The following MRPS16 variants were observed in gnomAD, a reference collection of about 807,000 sequenced individuals.
MRPS16 encodes small ribosomal subunit protein bS16m.
Under a neutral mutation model 11.0 loss-of-function variants are expected in MRPS16, and 5 were observed. That is an observed-to-expected ratio of 0.46 (90% confidence interval 0.24 to 0.96). The LOEUF (loss-of-function observed/expected upper bound fraction) is 0.96. MRPS16 is among the 40% of genes least tolerant of loss of function. MRPS16 has a pLI of 0.20. For synonymous variants in MRPS16, 76 were observed against 65.0 expected (o/e 1.17, Z -0.81); for missense variants, 179 against 174.4 (o/e 1.03, Z -0.15).
chr10:73,252,114 T>A (rs894874287), intron 1 of MRPS16, 91 bp from the exon 2 acceptor site: 2 of 1,511,602 alleles, frequency 1.3e-6, no homozygotes, highest in African/African-American at 2.8e-5. Flanking sequence ...CACTGAAATG[T>A]CTCACTTCCA....
intron 1 of MRPS16, 152 bp from the exon 2 acceptor site, chr10:73,252,175 TC>T (rs2044122271): frequency 8.0e-7 from 1 of 1,257,732 alleles, no homozygotes; most frequent in Non-Finnish European, 1.1e-6. Context: ...GTGAAACCCC[TC>T]TTGGCCAGTC....
At position 73,250,763 on chromosome 10, in the gene MRPS16, C is replaced by G; in HGVS notation, c.*89G>C. On this transcript the variant is annotated 3_prime_UTR_variant, in exon 3 of 3. Coordinates refer to ENST00000372945, the MANE Select transcript of MRPS16 (RefSeq NM_016065.4). ...AACTCAGGATACTCCATTTATTGAACTCCAAATCTAACAAAATTAAGATCG... is the reference window on the plus strand; with the variant it reads ...AACTCAGGATACTCCATTTATTGAAGTCCAAATCTAACAAAATTAAGATCG... 1 of 1,552,190 alleles carries G rather than the reference C, an allele frequency of 6.4e-7. No homozygotes were observed. Among genetic ancestry groups the G allele is most frequent in the Non-Finnish European group, 8.8e-7 (1 of 1,135,530 alleles).
In MRPS16 at chr10:73,250,618, C is replaced by T; in HGVS notation, c.*234G>A. On this transcript the variant is annotated 3_prime_UTR_variant, in exon 3 of 3. Transcript: ENST00000372945. ...ACTCAAAAGTCCAATCCTCCCATAG[C>T]CACTGTCTATCCCAAGACAAAGTCG... 1.9e-6 allele frequency: 1 copy of T among 524,990 alleles called. No homozygotes were observed. The highest frequency in any genetic ancestry group is 3.4e-6 in the Non-Finnish European group (1 of 292,730). The allele number at this position is 524,990 out of a possible 1,614,324, so 32.5% of individuals were successfully genotyped here. A position where few individuals can be genotyped will look rare whatever the true frequency, so the allele number is the denominator to read the frequency against.
rs1589209409 is a variant in MRPS16, at chr10:73,249,241, C to T, written c.*1611G>A. 1.3e-6 allele frequency: 2 copies of T among 1,535,090 alleles called. No homozygotes were observed. Among genetic ancestry groups the T allele is most frequent in the Non-Finnish European group, 1.8e-6 (2 of 1,133,838 alleles). Reference sequence around the variant, plus strand: ...GGTATCTTTATATTATTTTTCCTTACAAGTTACTTCAAATTCTTGATGTTG... The same window carrying T: ...GGTATCTTTATATTATTTTTCCTTATAAGTTACTTCAAATTCTTGATGTTG... On this transcript the variant is annotated 3_prime_UTR_variant, in exon 3 of 3. Transcript: ENST00000372945.
chr10:73,251,542 A>T (rs1255691861), intron 2 of MRPS16, among the ~76,000 whole-genome samples: 1 of 147,894 alleles, frequency 6.8e-6, no homozygotes, highest in African/African-American at 2.5e-5. Context: ...CGCCCAACTA[A>T]TTTTTTTTTT....
rs2044137349 is a variant in MRPS16 at position 73,252,590 on chromosome 10, C to A, written c.-108G>T. ...CACAGAAAGAACCTGCAAGCCGACACCAGGCCGCACCGCCAAGCGGTACAA... is the reference window on the plus strand; with the variant it reads ...CACAGAAAGAACCTGCAAGCCGACAACAGGCCGCACCGCCAAGCGGTACAA... On this transcript the variant is annotated 5_prime_UTR_variant, in exon 1 of 3. Transcript: ENST00000372945. 1 of 1,481,574 alleles carries A rather than the reference C, an allele frequency of 6.7e-7. No individual in the cohort carries two copies. The highest frequency in any genetic ancestry group is 9.1e-7 in the Non-Finnish European group (1 of 1,094,530). The allele number at this position is 1,481,574 out of a possible 1,614,324, so 91.8% of individuals were successfully genotyped here. A position where few individuals can be genotyped will look rare whatever the true frequency, so the allele number is the denominator to read the frequency against.
rs574256524 is a variant in MRPS16, at chr10:73,252,252, C to G, written c.13+218G>C. On this transcript the variant is annotated intron_variant, in intron 1 of 2. Transcript: ENST00000372945. Reference sequence around the variant, plus strand: ...GCATGGGCTTGCCATTCACTAGGCTCTGTGACCTTGTCGGAGCCTTAGCTG... The same window carrying G: ...GCATGGGCTTGCCATTCACTAGGCTGTGTGACCTTGTCGGAGCCTTAGCTG... The G allele has an allele frequency of 6.9e-6, 7 of 1,017,270 alleles. No individual in the cohort carries two copies. In the East Asian group the frequency reaches 1.8e-4, roughly 26 times the overall value. 63.0% of individuals were successfully genotyped at this position (1,017,270 alleles called of 1,614,324 possible).
chr10:73,252,343 G>T, intron 1 of MRPS16, 127 bp downstream of exon 1: 1 of 1,357,240 alleles, frequency 7.4e-7, no homozygotes, highest in Non-Finnish European at 1.0e-6. Flanking sequence ...AGGATCAAAT[G>T]TAAGGCAGTG....
chr10:73,252,370 G>A lies in MRPS16; in HGVS notation c.13+100C>T, dbSNP rs1035134755. On this transcript the variant is annotated intron_variant, in intron 1 of 2. Coordinates refer to ENST00000372945, the MANE Select transcript of MRPS16 (RefSeq NM_016065.4). The stretch of plus-strand genomic sequence containing the variant: ...AAGGCAGTGTGGCTGCTTCAGGTTC[G>A]GGTTGCCTCCATCGCGCCTGGGAGA... The A allele has an allele frequency of 1.9e-5, 29 of 1,530,758 alleles. No individual in the cohort carries two copies. In the Admixed American group the frequency reaches 4.7e-4, roughly 25 times the overall value. 94.8% of individuals were successfully genotyped at this position (1,530,758 alleles called of 1,614,324 possible).
rs1317569684 is a variant in MRPS16 at position 73,251,888 on chromosome 10, T to A, written c.149A>T (p.Gln50Leu). ...GGGCAATGGATCATAGGAGCCCAGC[T>A]GCTCTACGAAACGGCCATCCCTGGG... ...KCPRDGRFVE[Q>L]LGSYDPLPNS... The change falls in exon 2 of 3, where the codon CAG becomes CTG. Residue 50 changes from glutamine to leucine, a missense_variant. Coordinates refer to ENST00000372945, the MANE Select transcript of MRPS16 (RefSeq NM_016065.4). 1 of 1,614,088 alleles carries A rather than the reference T, an allele frequency of 6.2e-7. No homozygotes were observed. Among genetic ancestry groups the A allele is most frequent in the Admixed American group, 1.7e-5 (1 of 60,006 alleles).
chr10:73,252,536 T>C lies in MRPS16; in HGVS notation c.-54A>G, dbSNP rs1398659285. On this transcript the variant is annotated 5_prime_UTR_variant, in exon 1 of 3. Coordinates refer to ENST00000372945, the MANE Select transcript of MRPS16 (RefSeq NM_016065.4). ...AGCCCCGCTACCCGCACGCACCAGC[T>C]CTACGGCCTTGGCAGGGCAGAGAAC... is the stretch of plus-strand genomic sequence containing the variant. The C allele has an allele frequency of 1.3e-6, 2 of 1,599,762 alleles. No individual in the cohort carries two copies. The highest frequency in any genetic ancestry group is 1.7e-6 in the Non-Finnish European group (2 of 1,178,062).
In MRPS16 at chr10:73,252,547, G is replaced by C. The variant is rs993644712; in HGVS notation, c.-65C>G. On this transcript the variant is annotated 5_prime_UTR_variant, in exon 1 of 3. Transcript: ENST00000372945. ...CCGCACGCACCAGCTCTACGGCCTT[G>C]GCAGGGCAGAGAACAAACACAGAAA... The C allele has an allele frequency of 1.4e-5, 22 of 1,593,150 alleles. No individual in the cohort carries two copies. Among genetic ancestry groups the C allele is most frequent in the Non-Finnish European group, 1.8e-5 (21 of 1,175,124 alleles).
In MRPS16 at chr10:73,252,409, G is replaced by A. The variant is rs2044130477; in HGVS notation, c.13+61C>T. On this transcript the variant is annotated intron_variant, in intron 1 of 2. Transcript: ENST00000372945. The stretch of plus-strand genomic sequence containing the variant: ...GCGCCTGGGAGAGCTCTCCCCACCC[G>A]GCCCCGAACTCCCGAGCCCCGTGAC... 3.1e-6 allele frequency: 5 copies of A among 1,605,536 alleles called. No individual in the cohort carries two copies. The South Asian group carries it at 3.3e-5, about 11-fold the overall frequency.
Position 73,251,973 on chromosome 10 carries a change from C to G in MRPS16, c.64G>C (p.Ala22Pro), listed in dbSNP as rs1298697205. 1.9e-6 allele frequency: 3 copies of G among 1,614,180 alleles called. No individual in the cohort carries two copies. The East Asian group carries it at 6.7e-5, about 36-fold the overall frequency. ...YRGGHLTIRL[A>P]LGGCTNRPFY... ...GGCCGATTGGTGCAGCCACCCAGGG[C>G]AAGGCGGATGGTTAAGTGGCCCCCA... The change falls in exon 2 of 3, where the codon GCC (alanine) becomes CCC (proline). Residue 22 changes from alanine (A) to proline (P), a missense_variant. Ala to Pro is a conservative substitution (Grantham distance 27). Transcript: ENST00000372945.
chr10:73,252,051 A>C, intron 1 of MRPS16, 28 bp from the exon 2 acceptor site: 3 of 1,605,510 alleles, frequency 1.9e-6, no homozygotes, highest in Non-Finnish European at 2.6e-6. Flanking sequence ...GTTAGGACAC[A>C]AAAAACAGCA....
In MRPS16 at chr10:73,251,973, C is replaced by T. The variant is rs1298697205; in HGVS notation, c.64G>A (p.Ala22Thr). The stretch of plus-strand genomic sequence containing the variant: ...GGCCGATTGGTGCAGCCACCCAGGG[C>T]AAGGCGGATGGTTAAGTGGCCCCCA... ...YRGGHLTIRL[A>T]LGGCTNRPFY... Residue 22 changes from alanine (A) to threonine (T), a missense_variant, in exon 2 of 3, where the codon GCC (alanine) becomes ACC (threonine). Coordinates refer to ENST00000372945, the MANE Select transcript of MRPS16 (RefSeq NM_016065.4). The T allele has an allele frequency of 1.9e-6, 3 of 1,614,180 alleles. No individual in the cohort carries two copies. The highest frequency in any genetic ancestry group is 1.6e-4 in the Middle Eastern group (1 of 6,062).
In MRPS16 at chr10:73,248,874, G is replaced by T. The variant is rs1041574914; in HGVS notation, c.*1978C>A. 5.5e-6 allele frequency: 2 copies of T among 364,522 alleles called. No individual in the cohort carries two copies. The highest frequency in any genetic ancestry group is 3.6e-5 in the Admixed American group (1 of 27,864). 22.6% of individuals were successfully genotyped at this position (364,522 alleles called of 1,614,324 possible). A position where few individuals can be genotyped will look rare whatever the true frequency, so the allele number is the denominator to read the frequency against. ...TCGCACACTGAAATATCCTTTTATT[G>T]CAACTCAAATTTTCAAAAACCAGAA... is the stretch of plus-strand genomic sequence containing the variant. On this transcript the variant is annotated 3_prime_UTR_variant, in exon 3 of 3. Coordinates refer to ENST00000372945, the MANE Select transcript of MRPS16 (RefSeq NM_016065.4).
chr10:73,251,521 G>A (rs1401457598), intron 2 of MRPS16, among the ~76,000 whole-genome samples: 1 of 151,960 alleles, frequency 6.6e-6, no homozygotes, highest in Non-Finnish European at 1.5e-5. Context: ...GACTACAGGT[G>A]CGTGTCACCA....
At position 73,250,929 on chromosome 10, in the gene MRPS16, T is replaced by G. The variant is rs1185394783; in HGVS notation, c.337A>C (p.Lys113Gln). 1 of 1,614,228 alleles carries G rather than the reference T, an allele frequency of 6.2e-7. No homozygotes were observed. Among genetic ancestry groups the G allele is most frequent in the Non-Finnish European group, 8.5e-7 (1 of 1,180,040 alleles). The change falls in exon 3 of 3, where the codon AAA (lysine) becomes CAA (glutamine). Residue 113 changes from lysine (K) to glutamine (Q), a missense_variant. Coordinates refer to ENST00000372945, the MANE Select transcript of MRPS16 (RefSeq NM_016065.4). The stretch of plus-strand genomic sequence containing the variant: ...GCTAACAGGACTTCACGTGCCCGTT[T>G]CCTTCGCAGTCTCTCAGCATTTGTG... ...MITNAERLRR[K>Q]RAREVLLASQ...
Sources: allele counts gnomAD v4.1 joint callset (sites outside exome capture counted in the v4.1 genomes callset), GRCh38; gene constraint gnomAD v4.1.1; transcripts MANE v1.5; gene names NCBI Gene and HGNC (gene_info 2026-07-23, HGNC 2026-07-21).